ZBTB10: variants seen among roughly 807,000 people sequenced by gnomAD.
The protein encoded by ZBTB10 is zinc finger and BTB domain-containing protein 10.
Under a neutral mutation model 76.4 loss-of-function variants are expected in ZBTB10, and 32 were observed. That is an observed-to-expected ratio of 0.42 (90% CI 0.32 to 0.56). ZBTB10 has a LOEUF of 0.56. Ranked by LOEUF, ZBTB10 falls within the 20% of genes least tolerant of loss-of-function variation. The probability of loss-of-function intolerance (pLI) is 0.14; values close to 1 mark genes in which losing one functional copy is unlikely to be tolerated. For synonymous variants in ZBTB10, 523 were observed against 432.9 expected (o/e 1.21, Z -2.58); for missense variants, 1,057 against 1,098.5 (o/e 0.96, Z 0.53).
rs1190614534 is a variant in ZBTB10, at chr8:80,524,203, A to G, written c.*4675A>G. The G allele has an allele frequency of 3.9e-5, 6 of 151,992 alleles. No homozygotes were observed. The highest frequency in any genetic ancestry group is 7.4e-5 in the Non-Finnish European group (5 of 67,906). 9.4% of individuals were successfully genotyped at this position (151,992 alleles called of 1,614,324 possible). The stretch of plus-strand genomic sequence containing the variant: ...GATATCTTTGTACTTAAGGCTTACA[A>G]GTTTGAATTATGGAATACTATAAGG... On this transcript the variant is annotated 3_prime_UTR_variant, in exon 6 of 6. Coordinates refer to ENST00000455036, the MANE Select transcript of ZBTB10 (RefSeq NM_001105539.3).
intron 1 of ZBTB10, 122 bp downstream of exon 1, chr8:80,487,904 G>A: frequency 8.5e-7 from 1 of 1,179,182 alleles, no homozygotes; most frequent in Non-Finnish European, 1.1e-6. Flanking sequence ...TGAAGACATC[G>A]TTCCAGTTGA....
chr8:80,501,174 G>C (rs1413067105), intron 2 of ZBTB10, among the ~76,000 whole-genome samples: 2 of 152,124 alleles, frequency 1.3e-5, no homozygotes, highest in South Asian at 4.1e-4. Flanking sequence ...CCTAGAGCAG[G>C]TACTGTTCTG....
chr8:80,518,573 G>C lies in ZBTB10; in HGVS notation c.2131G>C (p.Glu711Gln). The C allele has an allele frequency of 6.5e-7, 1 of 1,549,052 alleles. No individual in the cohort carries two copies. Among genetic ancestry groups the C allele is most frequent in the African/African-American group, 1.4e-5 (1 of 73,014 alleles). Residue 711 changes from glutamate to glutamine, a missense_variant, in exon 4 of 6, where the codon GAA becomes CAA. By Grantham distance (29) the Glu-to-Gln change is conservative. Around this residue, in one of 5 missense-constraint regions of ZBTB10, gnomAD observed 54 missense variants for 138.1 expected, o/e 0.39. Coordinates refer to ENST00000455036, the MANE Select transcript of ZBTB10 (RefSeq NM_001105539.3). ...ATCTTGGCCAAAACAAGAAACCTGG[G>C]AAAATGGCAAGTATTAGTCAACTAA... ...PESWPKQETW[E>Q]NGESSLIMNK...
At chr8:80,517,842 TATTC>T (rs1251532992) in intron 3 of ZBTB10, among the ~76,000 whole-genome samples, 2 of 148,398 alleles carry the variant, frequency 1.3e-5, no homozygotes, top group African/African-American at 2.6e-5. Context: ...AATTAAATGA[TATTC>T]ATGTTTTTTT....
Position 80,486,914 on chromosome 8 carries a change from C to G in ZBTB10, c.104C>G (p.Ala35Gly). Residue 35 changes from alanine to glycine, a missense_variant, in exon 1 of 6, where the codon GCC becomes GGC. Ala to Gly is a moderately conservative substitution (Grantham distance 60). Coordinates refer to ENST00000455036, the MANE Select transcript of ZBTB10 (RefSeq NM_001105539.3). ...ACGAACAATAACGCTGGCGGGGAGG[C>G]CTCAGCTTGGCCTCCGCAGCCCCAG... Reference protein sequence around the residue: ...GSTNNNAGGEASAWPPQPQPR... With the variant: ...GSTNNNAGGEGSAWPPQPQPR... The G allele has an allele frequency of 1.3e-6, 2 of 1,507,234 alleles. No individual in the cohort carries two copies. Among genetic ancestry groups the G allele is most frequent in the Non-Finnish European group, 8.8e-7 (1 of 1,131,774 alleles). The allele number at this position is 1,507,234 out of a possible 1,614,324, so 93.4% of individuals were successfully genotyped here. A position where few individuals can be genotyped will look rare whatever the true frequency, so the allele number is the denominator to read the frequency against.
Position 80,486,434 on chromosome 8 carries a change from G to T in ZBTB10, c.-377G>T. The T allele has an allele frequency of 1.0e-6, 1 of 984,864 alleles. No individual in the cohort carries two copies. The highest frequency in any genetic ancestry group is 1.2e-6 in the Non-Finnish European group (1 of 829,914). The allele number at this position is 984,864 out of a possible 1,614,324, so 61.0% of individuals were successfully genotyped here. On this transcript the variant is annotated 5_prime_UTR_variant, in exon 1 of 6. Transcript: ENST00000455036. ...TGTGTGCGCGCGCGGCTTTAAAGAG[G>T]GGGCAGCGGAGGGTCTCCCCGCACT...
rs1287273841 is a variant in ZBTB10, at chr8:80,499,924, A to G, written c.1403A>G (p.Lys468Arg). ...AAAGATGCCTTAAATATAAGCATTAAATCAGAAGCTCCAGAGTCTGTAGTT... is the reference window on the plus strand; with the variant it reads ...AAAGATGCCTTAAATATAAGCATTAGATCAGAAGCTCCAGAGTCTGTAGTT... Reference protein sequence around the residue: ...FIKDALNISIKSEAPESVVVD... With the variant: ...FIKDALNISIRSEAPESVVVD... Residue 468 changes from lysine to arginine, a missense_variant, in exon 2 of 6, where the codon AAA becomes AGA. Lys to Arg is a conservative substitution (Grantham distance 26). Around this residue, in one of 5 missense-constraint regions of ZBTB10, gnomAD observed 306 missense variants for 297.5 expected, o/e 1.03. Coordinates refer to ENST00000455036, the MANE Select transcript of ZBTB10 (RefSeq NM_001105539.3). 1 of 1,613,886 alleles carries G rather than the reference A, an allele frequency of 6.2e-7. No homozygotes were observed. The highest frequency in any genetic ancestry group is 1.7e-5 in the Admixed American group (1 of 60,008).
chr8:80,489,519 C>T (rs544711141), intron 1 of ZBTB10, among the ~76,000 whole-genome samples: 18 of 152,252 alleles, frequency 1.2e-4, no homozygotes, highest in African/African-American at 4.1e-4. Context: ...ATAGTCTCTC[C>T]CTGTAGGCAA....
intron 1 of ZBTB10, among the ~76,000 whole-genome samples, chr8:80,494,658 C>G (rs1403502261): frequency 6.6e-6 from 1 of 152,092 alleles, no homozygotes; most frequent in Non-Finnish European, 1.5e-5. Flanking sequence ...TGGCTCACAC[C>G]TGTAAACTTA....
intron 2 of ZBTB10, among the ~76,000 whole-genome samples, chr8:80,507,106 G>A (rs921133616): frequency 2.2e-4 from 33 of 151,476 alleles, no homozygotes; most frequent in African/African-American, 6.5e-4. Flanking sequence ...GCAAGAGATC[G>A]AGATCATCCT....
intron 3 of ZBTB10, among the ~76,000 whole-genome samples, chr8:80,514,829 A>G (rs950866619): frequency 3.3e-5 from 5 of 152,250 alleles, no homozygotes; most frequent in African/African-American, 9.6e-5. Flanking sequence ...TTGATGTGCC[A>G]CCTGGCATAC....
In ZBTB10 at chr8:80,486,292, C is replaced by T; in HGVS notation, c.-519C>T. On this transcript the variant is annotated 5_prime_UTR_variant, in exon 1 of 6. Coordinates refer to ENST00000455036, the MANE Select transcript of ZBTB10 (RefSeq NM_001105539.3). ...CGCTCCGCCGGCTTTATTGTCGCTT[C>T]GTTATGTGGCGGAGCCGAGCAGTTT... 2.0e-6 allele frequency: 2 copies of T among 1,012,112 alleles called. No homozygotes were observed. The highest frequency in any genetic ancestry group is 2.4e-6 in the Non-Finnish European group (2 of 848,514). The allele number at this position is 1,012,112 out of a possible 1,614,324, so 62.7% of individuals were successfully genotyped here. A position where few individuals can be genotyped will look rare whatever the true frequency, so the allele number is the denominator to read the frequency against.
chr8:80,491,312 A>G (rs1815624699), intron 1 of ZBTB10, among the ~76,000 whole-genome samples: 1 of 152,170 alleles, frequency 6.6e-6, no homozygotes, highest in African/African-American at 2.4e-5. Context: ...TCTGGGAGCA[A>G]TAGGCCCAAC....
rs181254199 is a variant in ZBTB10 at position 80,489,509 on chromosome 8, A to G, written c.972+1727A>G. Among the ~76,000 whole-genome samples the G allele has an allele frequency of 1.5e-4, 23 of 152,216 alleles. No homozygotes were observed. In the East Asian group the frequency reaches 4.0e-3, roughly 27 times the overall value. ...TGTGGACCAATTCCTCTTTATCAGC[A>G]TAGTCTCTCCCTGTAGGCAAATCTG... On this transcript the variant is annotated intron_variant, in intron 1 of 5. Transcript: ENST00000455036.
intron 1 of ZBTB10, among the ~76,000 whole-genome samples, chr8:80,494,821 A>C (rs911035326): frequency 6.6e-6 from 1 of 151,596 alleles, no homozygotes; most frequent in African/African-American, 2.4e-5. Flanking sequence ...GCTACTTGGG[A>C]GACTGAGACA....
At chr8:80,511,864 C>A (rs1816203077) in intron 2 of ZBTB10, among the ~76,000 whole-genome samples, 1 of 152,088 alleles carries the variant, frequency 6.6e-6, no homozygotes, top group African/African-American at 2.4e-5. Flanking sequence ...ACATATATAT[C>A]CCAAAGTGCT....
In ZBTB10 at chr8:80,513,975, G is replaced by A. The variant is rs557678804; in HGVS notation, c.1927G>A (p.Glu643Lys). Residue 643 changes from glutamate to lysine, a missense_variant, in exon 3 of 6, where the codon GAA (glutamate) becomes AAA (lysine). By Grantham distance (56) the Glu-to-Lys change is moderately conservative. Coordinates refer to ENST00000455036, the MANE Select transcript of ZBTB10 (RefSeq NM_001105539.3). ...GAATGTGAATGCAAATTTATTGGCT[G>A]AAGCTGGCACTAGTCAAGATGGAGG... is the stretch of plus-strand genomic sequence containing the variant. Reference protein sequence around the residue: ...DRNVNANLLAEAGTSQDGGDA... With the variant: ...DRNVNANLLAKAGTSQDGGDA... 1 of 1,613,598 alleles carries A rather than the reference G, an allele frequency of 6.2e-7. No homozygotes were observed. Among genetic ancestry groups the A allele is most frequent in the East Asian group, 2.2e-5 (1 of 44,858 alleles).
At chr8:80,496,931 G>T (rs1438548471) in intron 1 of ZBTB10, among the ~76,000 whole-genome samples, 1 of 152,132 alleles carries the variant, frequency 6.6e-6, no homozygotes, top group Non-Finnish European at 1.5e-5. Flanking sequence ...AACCAAATGA[G>T]CTTGGGTTCA....
chr8:80,525,058 AG>A lies in ZBTB10; in HGVS notation c.*5532del, dbSNP rs1476339426. On this transcript the variant is annotated 3_prime_UTR_variant, in exon 6 of 6. Transcript: ENST00000455036. ...GACGAAGGATGTTTTGACACTAAAAAGGACATAATTTAGGAAATTAAGAATT... is the reference window on the plus strand; with the variant it reads ...GACGAAGGATGTTTTGACACTAAAAAGACATAATTTAGGAAATTAAGAATT... 6.6e-6 allele frequency: 1 copy of A among 152,136 alleles called. No individual in the cohort carries two copies. Among genetic ancestry groups the A allele is most frequent in the Non-Finnish European group, 1.5e-5 (1 of 67,988 alleles). 9.4% of individuals were successfully genotyped at this position (152,136 alleles called of 1,614,324 possible).
Sources: gnomAD v4.1 joint callset for allele counts (sites outside exome capture counted in the v4.1 genomes callset) on GRCh38, gnomAD v4.1.1 for gene constraint, gnomAD v4.1.1 regional missense constraint, MANE v1.5 for transcripts, NCBI Gene and HGNC (gene_info 2026-07-23, HGNC 2026-07-21) for gene names.